The following AKR1E2 variants were observed in gnomAD, a reference collection of about 807,000 sequenced individuals.
AKR1E2 encodes the protein 1,5-anhydro-D-fructose reductase.
Under a neutral mutation model 41.9 loss-of-function variants are expected in AKR1E2, and 43 were observed. That is an observed-to-expected ratio of 1.03 (90% CI 0.80 to 1.32). The LOEUF (loss-of-function observed/expected upper bound fraction) is 1.32, where lower values mean the gene tolerates loss of function less well. AKR1E2 is among the 40% of genes most tolerant of loss of function. AKR1E2 has a pLI of 0.00. For missense variants in AKR1E2, 423 were observed against 396.5 expected (o/e 1.07, Z -0.57); for synonymous variants, 121 against 138.9 (o/e 0.87, Z 0.91).
the AKR1E2 span, among the ~76,000 whole-genome samples, chr10:4,854,423 C>T: frequency 6.6e-6 from 1 of 152,126 alleles, no homozygotes; most frequent in East Asian, 1.9e-4. Context: ...AACTTGCTTT[C>T]ACTTTACTCT....
the AKR1E2 span, among the ~76,000 whole-genome samples, chr10:4,870,359 A>G: frequency 6.6e-6 from 1 of 152,018 alleles, no homozygotes; most frequent in Non-Finnish European, 1.5e-5. Flanking sequence ...TACTGCGTTT[A>G]CCCATATTTT....
At chr10:4,850,637 T>C (rs1834503963), downstream of AKR1E2, among the ~76,000 whole-genome samples, 1 of 152,220 alleles carries the variant, frequency 6.6e-6, no homozygotes, top group Admixed American at 6.5e-5. Context: ...ACAGCTGTTT[T>C]AGTGGGTGTT....
the AKR1E2 span, among the ~76,000 whole-genome samples, chr10:4,853,811 A>G: frequency 1.3e-5 from 2 of 152,174 alleles, no homozygotes; most frequent in African/African-American, 4.8e-5. Flanking sequence ...GTCACACAAA[A>G]TACAGGTCAT....
chr10:4,854,201 C>T, the AKR1E2 span, among the ~76,000 whole-genome samples: 2 of 149,186 alleles, frequency 1.3e-5, no homozygotes, highest in African/African-American at 5.0e-5. Flanking sequence ...TCAAGTGATT[C>T]TTCTGCCTCA....
chr10:4,844,688 G>A (rs1489841655), intron 8 of AKR1E2, among the ~76,000 whole-genome samples: 5 of 152,186 alleles, frequency 3.3e-5, no homozygotes, highest in African/African-American at 1.2e-4. Flanking sequence ...TAGATACAGA[G>A]TGTCGATTGG....
In AKR1E2 at chr10:4,847,519, A is replaced by G; in HGVS notation, c.952A>G (p.Ile318Val). 2 of 1,613,642 alleles carry G rather than the reference A, an allele frequency of 1.2e-6. No individual in the cohort carries two copies. Among genetic ancestry groups the G allele is most frequent in the Admixed American group, 1.7e-5 (1 of 59,952 alleles). Residue 318 changes from isoleucine (I) to valine (V), a missense_variant, in exon 10 of 10, where the codon ATA (isoleucine) becomes GTA (valine). Transcript: ENST00000298375. ...TKNHKDYPFH[I>V]EY ...AAATCACAAAGACTATCCTTTCCAC[A>G]TAGAATACTGAGGACGCTTCCCCTT...
At chr10:4,852,724 T>C (rs1450476382), downstream of AKR1E2, among the ~76,000 whole-genome samples, 3 of 152,228 alleles carry the variant, frequency 2.0e-5, no homozygotes, top group African/African-American at 4.8e-5. Flanking sequence ...TGCTTTTTTA[T>C]TTTCATTTTA....
At chr10:4,844,015 G>A (rs1172342322) in intron 8 of AKR1E2, among the ~76,000 whole-genome samples, 1 of 152,236 alleles carries the variant, frequency 6.6e-6, no homozygotes, top group Non-Finnish European at 1.5e-5. Context: ...GAGCACTGCT[G>A]ACTGACCGGC....
At position 4,835,796 on chromosome 10, in the gene AKR1E2, T is replaced by A; in HGVS notation, c.446T>A (p.Leu149Gln). Residue 149 changes from leucine (L) to glutamine (Q), a missense_variant, in exon 4 of 10, where the codon CTG becomes CAG. Coordinates refer to ENST00000298375, the MANE Select transcript of AKR1E2 (RefSeq NM_001040177.3). ...GTTATTCCCAGTGACACGGACTTCCTGGACACGTGGGAGGTGAGCTGAGCC... is the reference window on the plus strand; with the variant it reads ...GTTATTCCCAGTGACACGGACTTCCAGGACACGTGGGAGGTGAGCTGAGCC... ...NMVIPSDTDFLDTWEAMEDLV... is the reference protein window; with the variant it reads ...NMVIPSDTDFQDTWEAMEDLV... 6.2e-7 allele frequency: 1 copy of A among 1,614,004 alleles called. No homozygotes were observed. The highest frequency in any genetic ancestry group is 8.5e-7 in the Non-Finnish European group (1 of 1,179,984).
At chr10:4,868,034 G>A in the AKR1E2 span, among the ~76,000 whole-genome samples, 2 of 152,148 alleles carry the variant, frequency 1.3e-5, no homozygotes, top group Admixed American at 6.6e-5. Flanking sequence ...ATCGTTGGGG[G>A]TTTGGGAAAT....
chr10:4,826,880 A>G (rs1258302879), intron 1 of AKR1E2, among the ~76,000 whole-genome samples: 1 of 152,080 alleles, frequency 6.6e-6, no homozygotes, highest in Admixed American at 6.5e-5. Flanking sequence ...GTTCAAGACC[A>G]GCCAGGTCAA....
rs775854952 is a variant in AKR1E2, at chr10:4,833,350, C to A, written c.208C>A (p.Leu70Met). 6.2e-7 allele frequency: 1 copy of A among 1,613,406 alleles called. No individual in the cohort carries two copies. Residue 70 changes from leucine (L) to methionine (M), a missense_variant and splice_region_variant, in exon 3 of 10, where the codon CTG becomes ATG. Physicochemically the swap from Leu to Met is conservative, Grantham distance 15. Coordinates refer to ENST00000298375, the MANE Select transcript of AKR1E2 (RefSeq NM_001040177.3). Reference sequence around the variant, plus strand: ...GACGCTGGTCCCCTCTCCTTTGTAGCTGTGGTGCACCTGCCATAAGAAGTC... The same window carrying A: ...GACGCTGGTCCCCTCTCCTTTGTAGATGTGGTGCACCTGCCATAAGAAGTC... ...RREDLFIATK[L>M]WCTCHKKSLV...
chr10:4,862,690 G>A, the AKR1E2 span, among the ~76,000 whole-genome samples: 1 of 152,042 alleles, frequency 6.6e-6, no homozygotes, highest in Admixed American at 6.6e-5. Context: ...TTTCTTTGAA[G>A]CAATTGTGAA....
the AKR1E2 span, among the ~76,000 whole-genome samples, chr10:4,872,715 A>G: frequency 1.3e-5 from 2 of 152,172 alleles, no homozygotes; most frequent in African/African-American, 2.4e-5. Flanking sequence ...CAAAACAAAA[A>G]CCCTGCCCTT....
downstream of AKR1E2, among the ~76,000 whole-genome samples, chr10:4,848,439 T>C (rs1157147499): frequency 6.6e-6 from 1 of 152,256 alleles, no homozygotes; most frequent in African/African-American, 2.4e-5. Flanking sequence ...CCATGATCCC[T>C]GTCTTTGCTG....
intron 8 of AKR1E2, chr10:4,845,866 T>A (rs1192686541): frequency 2.1e-6 from 1 of 470,412 alleles, no homozygotes; most frequent in Non-Finnish European, 4.4e-6. Flanking sequence ...GCCGAAGTGA[T>A]CTGATGGCTG....
chr10:4,864,439 T>G, the AKR1E2 span, among the ~76,000 whole-genome samples: 1 of 152,044 alleles, frequency 6.6e-6, no homozygotes, highest in African/African-American at 2.4e-5. Flanking sequence ...CTCAATAAAT[T>G]AGGTATTGAT....
chr10:4,870,118 T>C, the AKR1E2 span, among the ~76,000 whole-genome samples: 1 of 152,086 alleles, frequency 6.6e-6, no homozygotes, highest in Non-Finnish European at 1.5e-5. Flanking sequence ...TTGGTTGCTA[T>C]TGGTATTACA....
At chr10:4,871,585 C>A in the AKR1E2 span, among the ~76,000 whole-genome samples, 1 of 152,012 alleles carries the variant, frequency 6.6e-6, no homozygotes. Flanking sequence ...TGTGATCACC[C>A]CTTCCAGGGA....
Sources: gnomAD v4.1 joint callset for allele counts (sites outside exome capture counted in the v4.1 genomes callset) on GRCh38, gnomAD v4.1.1 for gene constraint, MANE v1.5 for transcripts, NCBI Gene and HGNC (gene_info 2026-07-23, HGNC 2026-07-21) for gene names.